GRIK2: variants seen among roughly 807,000 people sequenced by gnomAD.
GRIK2 encodes the protein glutamate receptor ionotropic, kainate 2.
GRIK2 carries 32 observed loss-of-function variants against 100.3 expected under a neutral mutation model. The observed-to-expected ratio is 0.32, with a 90% CI of 0.24 to 0.43. GRIK2 has a LOEUF of 0.43. GRIK2 is among the 20% of genes least tolerant of loss of function. The pLI is 1.00. For missense variants in GRIK2, 843 were observed against 1,114.9 expected, an observed-to-expected ratio of 0.76 and a Z score of 3.47; for synonymous variants, 417 against 389.4, an observed-to-expected ratio of 1.07 and a Z score of -0.83.
intron 9 of GRIK2, among the ~76,000 whole-genome samples, chr6:101,805,950 G>T (rs1198654080): frequency 6.6e-6 from 1 of 151,970 alleles, no homozygotes; most frequent in African/African-American, 2.4e-5. Context: ...GTGGAGATGG[G>T]CATCCTTTCT....
chr6:101,784,304 G>A (rs563162456), intron 7 of GRIK2, among the ~76,000 whole-genome samples: 1 of 152,356 alleles, frequency 6.6e-6, no homozygotes, highest in South Asian at 2.1e-4. Flanking sequence ...GCTAAAAGCA[G>A]CCAAGGTACA....
intron 2 of GRIK2, among the ~76,000 whole-genome samples, chr6:101,435,471 C>T (rs1186831401): frequency 1.3e-5 from 2 of 151,934 alleles, no homozygotes; most frequent in African/African-American, 4.8e-5. Flanking sequence ...CCCTCAATCC[C>T]CTCCTCCAAA....
At chr6:101,449,956 TA>T (rs1770583129) in intron 2 of GRIK2, among the ~76,000 whole-genome samples, 1 of 151,718 alleles carries the variant, frequency 6.6e-6, no homozygotes, top group Non-Finnish European at 1.5e-5. Flanking sequence ...TGGAAAAAGC[TA>T]AAGAAAATTA....
chr6:101,774,862 A>G (rs1461987212), intron 7 of GRIK2, among the ~76,000 whole-genome samples: 1 of 151,940 alleles, frequency 6.6e-6, no homozygotes, highest in African/African-American at 2.4e-5. Flanking sequence ...AAAGATATAT[A>G]TATCAGAAAG....
At chr6:102,060,746 C>CTT (rs893503541) in intron 16 of GRIK2, among the ~76,000 whole-genome samples, 13 of 150,528 alleles carry the variant, frequency 8.6e-5, no homozygotes, top group Admixed American at 4.6e-4. Context: ...TTTAGCTGAA[C>CTT]TTAATTTTAC....
At chr6:101,519,080 G>A (rs1562196504) in intron 2 of GRIK2, among the ~76,000 whole-genome samples, 1 of 152,094 alleles carries the variant, frequency 6.6e-6, no homozygotes, top group South Asian at 2.1e-4. Flanking sequence ...AGATTTTAAT[G>A]GCTAAGCCTT....
chr6:101,867,755 A>G (rs1405592690), intron 11 of GRIK2, among the ~76,000 whole-genome samples: 1 of 151,080 alleles, frequency 6.6e-6, no homozygotes, highest in Non-Finnish European at 1.5e-5. Context: ...GTTTAGAAAT[A>G]TTTATATATA....
chr6:101,789,292 C>T (rs963306116), intron 7 of GRIK2, among the ~76,000 whole-genome samples: 1 of 152,196 alleles, frequency 6.6e-6, no homozygotes, highest in Non-Finnish European at 1.5e-5. Context: ...ATGCCTATGT[C>T]CTGAATGGCA....
chr6:101,999,780 A>G (rs963816257), intron 14 of GRIK2, among the ~76,000 whole-genome samples: 3 of 152,108 alleles, frequency 2.0e-5, no homozygotes, highest in African/African-American at 7.2e-5. Flanking sequence ...TCATTTTTAC[A>G]TAATTAAGTA....
chr6:101,669,426 C>G (rs1456765471), intron 4 of GRIK2, among the ~76,000 whole-genome samples: 1 of 152,098 alleles, frequency 6.6e-6, no homozygotes, highest in East Asian at 1.9e-4. Context: ...GATAGGAAGA[C>G]ATATAAACCA....
At chr6:101,862,556 G>C (rs186120788) in intron 11 of GRIK2, among the ~76,000 whole-genome samples, 28 of 151,898 alleles carry the variant, frequency 1.8e-4, no homozygotes, top group Non-Finnish European at 3.8e-4. Context: ...AGCCTTGTGG[G>C]TAGACATGCT....
At chr6:101,665,480 A>C (rs985990834) in intron 4 of GRIK2, among the ~76,000 whole-genome samples, 2 of 152,194 alleles carry the variant, frequency 1.3e-5, no homozygotes, top group Non-Finnish European at 2.9e-5. Flanking sequence ...TTTATATTCT[A>C]GTAGACACTG....
chr6:101,896,506 T>G (rs1175530284), intron 12 of GRIK2, among the ~76,000 whole-genome samples: 1 of 151,810 alleles, frequency 6.6e-6, no homozygotes, highest in East Asian at 1.9e-4. Flanking sequence ...ATTTATTTTT[T>G]AGAAGTATCT....
At position 101,471,013 on chromosome 6, in the gene GRIK2, TC is replaced by T. The variant is rs543666970; in HGVS notation, c.115+71622del. Among the ~76,000 whole-genome samples the T allele has an allele frequency of 1.2e-3, 188 of 152,256 alleles. 1 individual carries two copies. The highest frequency in any genetic ancestry group is 4.4e-3 in the African/African-American group (182 of 41,556). On this transcript the variant is annotated intron_variant, in intron 2 of 16. Coordinates refer to ENST00000369134, the MANE Select transcript of GRIK2 (RefSeq NM_021956.5). ...TATAAATATTCTTACCTTTTGATAT[TC>T]TTTTTGTGTCATTATGCAAAATAAT... is the stretch of plus-strand genomic sequence containing the variant.
chr6:101,410,592 C>T (rs1775845914), intron 2 of GRIK2, among the ~76,000 whole-genome samples: 1 of 152,102 alleles, frequency 6.6e-6, no homozygotes, highest in Non-Finnish European at 1.5e-5. Flanking sequence ...GGACAACCTA[C>T]ACCTCCTTGA....
intron 2 of GRIK2, among the ~76,000 whole-genome samples, chr6:101,519,538 C>T (rs992974687): frequency 1.3e-5 from 2 of 151,980 alleles, no homozygotes; most frequent in African/African-American, 4.8e-5. Context: ...CATTTTAGAG[C>T]CTGAAATTTA....
rs565380595 is a variant in GRIK2 at position 101,722,263 on chromosome 6, G to A, written c.951+35910G>A. Among the ~76,000 whole-genome samples, 12 of 152,052 alleles carry A rather than the reference G, an allele frequency of 7.9e-5. No homozygotes were observed. In the East Asian group the frequency reaches 2.3e-3, roughly 30 times the overall value. ...CTTATACCAGGAGTAGGCTAGAACT[G>A]ATATCTACTAAATCTTTCTATTAGG... On this transcript the variant is annotated intron_variant, in intron 7 of 16. Transcript: ENST00000369134.
intron 14 of GRIK2, among the ~76,000 whole-genome samples, chr6:102,011,556 CT>C (rs372670502): frequency 0.011 from 847 of 79,004 alleles, 11 homozygotes; most frequent in African/African-American, 0.037. Context: ...TGAGTTATTT[CT>C]TTTTTTTTTC....
At chr6:101,443,894 A>T (rs1770221986) in intron 2 of GRIK2, among the ~76,000 whole-genome samples, 1 of 150,406 alleles carries the variant, frequency 6.6e-6, no homozygotes. Context: ...TTTATTTTTT[A>T]TTTTTTTCAA....
Sources: allele counts gnomAD v4.1 joint callset (sites outside exome capture counted in the v4.1 genomes callset), GRCh38; gene constraint gnomAD v4.1.1; transcripts MANE v1.5; gene names NCBI Gene and HGNC (gene_info 2026-07-23, HGNC 2026-07-21).